TNKS: variants seen among roughly 807,000 people sequenced by gnomAD.
TNKS encodes tankyrase.
In TNKS, 72 loss-of-function variants were observed where a neutral mutation model predicts 135.8. That is an observed-to-expected ratio of 0.53 (90% CI 0.44 to 0.64). The LOEUF (loss-of-function observed/expected upper bound fraction) is 0.64, where lower values mean the gene tolerates loss of function less well. Among genes scored for constraint, TNKS ranks in the 30% least tolerant of loss-of-function variants. TNKS has a pLI of 0.00. For missense variants in TNKS, 1,769 were observed against 1,674.0 expected (o/e 1.06, Z -0.99); for synonymous variants, 849 against 649.3 (o/e 1.31, Z -4.68).
At position 9,701,529 on chromosome 8, in the gene TNKS, A is replaced by G. The variant is rs1002348754; in HGVS notation, c.1108-3134A>G. Among the ~76,000 whole-genome samples the G allele has an allele frequency of 5.3e-5, 8 of 152,224 alleles. No homozygotes were observed. In the East Asian group the frequency reaches 9.6e-4, roughly 18 times the overall value. ...TTTTCAAACTGCAATGAAAAGTCCAATTCAGTCATGAAAGAATCCAAGATA... is the reference window on the plus strand; with the variant it reads ...TTTTCAAACTGCAATGAAAAGTCCAGTTCAGTCATGAAAGAATCCAAGATA... On this transcript the variant is annotated intron_variant, in intron 5 of 26. Transcript: ENST00000310430.
At chr8:9,630,115 G>T (rs937735365) in intron 3 of TNKS, among the ~76,000 whole-genome samples, 1 of 152,144 alleles carries the variant, frequency 6.6e-6, no homozygotes, top group Non-Finnish European at 1.5e-5. Context: ...CCCACTGTCT[G>T]CAGTGATTTC....
intron 5 of TNKS, among the ~76,000 whole-genome samples, chr8:9,702,328 TACAC>T (rs71537881): frequency 2.0e-5 from 3 of 147,366 alleles, no homozygotes; most frequent in South Asian, 2.1e-4. Flanking sequence ...CACACACACA[TACAC>T]ACACGAAGAA....
intron 3 of TNKS, among the ~76,000 whole-genome samples, chr8:9,636,435 CT>C (rs1015718817): frequency 1.1e-4 from 17 of 151,534 alleles, no homozygotes; most frequent in South Asian, 4.2e-4. Flanking sequence ...GAGCTCAAGA[CT>C]TTTTTTTTCT....
chr8:9,608,506 G>T (rs1377265356), intron 2 of TNKS, among the ~76,000 whole-genome samples: 1 of 151,760 alleles, frequency 6.6e-6, no homozygotes, highest in Non-Finnish European at 1.5e-5. Context: ...TCTTTCTCTA[G>T]CACCTTGCGA....
At chr8:9,560,493 CTT>C (rs535715245) in intron 1 of TNKS, among the ~76,000 whole-genome samples, 888 of 41,958 alleles carry the variant, frequency 0.021, no homozygotes, top group African/African-American at 0.031. Flanking sequence ...CCATACTTGT[CTT>C]TTTTTTTTTT....
At chr8:9,592,730 A>C (rs1044459602) in intron 2 of TNKS, among the ~76,000 whole-genome samples, 1 of 152,214 alleles carries the variant, frequency 6.6e-6, no homozygotes, top group Non-Finnish European at 1.5e-5. Flanking sequence ...CACTGGAAGA[A>C]GGCTTGATTC....
intron 2 of TNKS, 151 bp from the exon 3 acceptor site, chr8:9,615,428 TGCA>T: frequency 1.9e-6 from 1 of 531,330 alleles, no homozygotes; most frequent in Non-Finnish European, 3.2e-6. Flanking sequence ...GCTCCTTTGC[TGCA>T]GTGCTTTTTT....
intron 3 of TNKS, among the ~76,000 whole-genome samples, chr8:9,642,457 C>G (rs1188434341): frequency 6.9e-6 from 1 of 145,942 alleles, no homozygotes; most frequent in Non-Finnish European, 1.5e-5. Flanking sequence ...TTATTTCTGT[C>G]TAAATACTAT....
At chr8:9,744,430 C>A (rs1806131122) in intron 17 of TNKS, among the ~76,000 whole-genome samples, 1 of 152,168 alleles carries the variant, frequency 6.6e-6, no homozygotes, top group South Asian at 2.1e-4. Flanking sequence ...AATAAAGCCT[C>A]TGTACAATTA....
chr8:9,666,626 A>T (rs902158804), intron 3 of TNKS, among the ~76,000 whole-genome samples: 1 of 152,054 alleles, frequency 6.6e-6, no homozygotes, highest in African/African-American at 2.4e-5. Context: ...AGGATGAGGC[A>T]CAAGAATTGC....
At chr8:9,677,493 A>AT (rs1241716839) in intron 3 of TNKS, among the ~76,000 whole-genome samples, 2 of 152,130 alleles carry the variant, frequency 1.3e-5, no homozygotes, top group African/African-American at 4.8e-5. Context: ...TACGACTTAA[A>AT]TTTCAATAGT....
At chr8:9,732,488 T>G (rs1805493337) in intron 14 of TNKS, among the ~76,000 whole-genome samples, 1 of 151,834 alleles carries the variant, frequency 6.6e-6, no homozygotes, top group Non-Finnish European at 1.5e-5. Context: ...ACATCAGACA[T>G]GAATATTTCA....
At chr8:9,616,553 T>C (rs1799652746) in intron 3 of TNKS, among the ~76,000 whole-genome samples, 1 of 152,326 alleles carries the variant, frequency 6.6e-6, no homozygotes, top group East Asian at 1.9e-4. Flanking sequence ...TATTTTGTTC[T>C]TGTTTAAGTT....
chr8:9,580,780 G>C (rs1798134793), intron 2 of TNKS, among the ~76,000 whole-genome samples: 1 of 152,102 alleles, frequency 6.6e-6, no homozygotes. Flanking sequence ...ATCTAGTATA[G>C]TAGTCCCCCC....
chr8:9,585,586 C>A (rs901169847), intron 2 of TNKS, among the ~76,000 whole-genome samples: 1 of 152,108 alleles, frequency 6.6e-6, no homozygotes, highest in African/African-American at 2.4e-5. Flanking sequence ...AGCTTGAAGA[C>A]AATGGAATAA....
intron 24 of TNKS, among the ~76,000 whole-genome samples, 174 bp from the exon 25 acceptor site, chr8:9,766,065 T>C (rs1185406196): frequency 6.6e-6 from 1 of 152,214 alleles, no homozygotes; most frequent in Non-Finnish European, 1.5e-5. Context: ...GAATTACTTT[T>C]GTTGTAATTT....
At chr8:9,677,213 C>G (rs985653161) in intron 3 of TNKS, among the ~76,000 whole-genome samples, 2 of 152,196 alleles carry the variant, frequency 1.3e-5, no homozygotes, top group African/African-American at 4.8e-5. Flanking sequence ...GATTAAAGTA[C>G]TAGGATCTCT....
intron 26 of TNKS, chr8:9,772,556 A>C (rs914115957): frequency 1.1e-5 from 4 of 371,440 alleles, no homozygotes; most frequent in African/African-American, 2.1e-5. Flanking sequence ...AGACATGAAA[A>C]CGAAGTTAAC....
chr8:9,608,843 G>A (rs1156688714), intron 2 of TNKS, among the ~76,000 whole-genome samples: 4 of 152,178 alleles, frequency 2.6e-5, no homozygotes, highest in African/African-American at 7.2e-5. Context: ...CATCTTGTGA[G>A]TTTCTCTTCT....
Sources: allele counts gnomAD v4.1 joint callset (sites outside exome capture counted in the v4.1 genomes callset), GRCh38; gene constraint gnomAD v4.1.1; transcripts MANE v1.5; gene names NCBI Gene and HGNC (gene_info 2026-07-23, HGNC 2026-07-21).